Variants in TRIP12 observed in about 807,000 individuals in gnomAD.
TRIP12 encodes the protein thyroid hormone receptor interactor 12, also known as E3 ubiquitin-protein ligase TRIP12.
In TRIP12, 25 loss-of-function variants were observed where a neutral mutation model predicts 244.2. The observed-to-expected ratio is 0.10, with a 90% CI of 0.07 to 0.14. The LOEUF is 0.14. Ranked by LOEUF, TRIP12 falls within the 10% of genes least tolerant of loss-of-function variation. The pLI, the probability that TRIP12 is intolerant of heterozygous loss-of-function variation, is 1.00. For missense variants in TRIP12, 1,677 were observed against 2,486.4 expected (o/e 0.67, Z 6.92); for synonymous variants, 905 against 873.1 (o/e 1.04, Z -0.64).
At chr2:229,850,463 T>G (rs977185354) in intron 4 of TRIP12, among the ~76,000 whole-genome samples, 2 of 152,226 alleles carry the variant, frequency 1.3e-5, no homozygotes, top group African/African-American at 4.8e-5. Flanking sequence ...TGCCCAACTC[T>G]TCACAGAGCT....
chr2:229,880,223 G>A (rs1424533448), intron 1 of TRIP12, 95 bp from the exon 2 acceptor site: 7 of 746,892 alleles, frequency 9.4e-6, no homozygotes, highest in Non-Finnish European at 1.5e-5. Context: ...GAAATTTTCT[G>A]CAAACTATCT....
At chr2:229,770,581 G>A (rs2033881633) in intron 39 of TRIP12, among the ~76,000 whole-genome samples, 1 of 152,156 alleles carries the variant, frequency 6.6e-6, no homozygotes, top group Non-Finnish European at 1.5e-5. Context: ...CATTCTAGAG[G>A]CTTTCTGTAT....
chr2:229,858,469 T>C (rs1043041117), intron 4 of TRIP12, among the ~76,000 whole-genome samples: 1 of 152,218 alleles, frequency 6.6e-6, no homozygotes, highest in Non-Finnish European at 1.5e-5. Context: ...TCCAACTTTA[T>C]GTCCCATCCT....
At chr2:229,873,746 G>A (rs2063102092) in intron 2 of TRIP12, among the ~76,000 whole-genome samples, 1 of 151,952 alleles carries the variant, frequency 6.6e-6, no homozygotes, top group South Asian at 2.1e-4. Context: ...AAAATGTAAA[G>A]AAAAATAATA....
At chr2:229,801,143 G>T (rs1365139828) in intron 21 of TRIP12, among the ~76,000 whole-genome samples, 1 of 152,130 alleles carries the variant, frequency 6.6e-6, no homozygotes, top group Non-Finnish European at 1.5e-5. Flanking sequence ...AAGGAAAATG[G>T]CAGACAAAAG....
At chr2:229,849,306 T>C (rs2058187705) in intron 4 of TRIP12, among the ~76,000 whole-genome samples, 1 of 152,190 alleles carries the variant, frequency 6.6e-6, no homozygotes, top group African/African-American at 2.4e-5. Flanking sequence ...ATGTTCACGA[T>C]ACAATAAACC....
chr2:229,810,338 C>T (rs564065338), intron 15 of TRIP12, among the ~76,000 whole-genome samples: 1 of 152,314 alleles, frequency 6.6e-6, no homozygotes, highest in African/African-American at 2.4e-5. Flanking sequence ...ATTTCCCACA[C>T]ACTGTGTAAA....
intron 4 of TRIP12, among the ~76,000 whole-genome samples, chr2:229,844,951 A>G (rs1444677111): frequency 6.6e-6 from 1 of 152,154 alleles, no homozygotes; most frequent in Admixed American, 6.5e-5. Context: ...GTCTTCTCCA[A>G]CACATTTCTA....
At position 229,836,878 on chromosome 2, in the gene TRIP12, G is replaced by C. The variant is rs200117340; in HGVS notation, c.1240C>G (p.Arg414Gly). The C allele has an allele frequency of 1.1e-5, 17 of 1,599,168 alleles. 1 individual carries two copies. In the Admixed American group the frequency reaches 1.8e-4, roughly 17 times the overall value. Residue 414 changes from arginine to glycine, a missense_variant, in exon 6 of 42, where the codon CGG becomes GGG. By Grantham distance (125) the Arg-to-Gly change is moderately radical. This residue lies in a region of TRIP12 where 143 missense variants were observed against 215.6 expected (regional missense o/e 0.66). Coordinates refer to ENST00000675903, the MANE Select transcript of TRIP12 (RefSeq NM_001348323.3). ...GCTCCTTGGGGAGCTTCATCTGTCC[G>C]AGCAGCTGAAGAATTTACTGCCTCC... ...NQEAVNSSAARTDEAPQGAAA... is the reference protein window; with the variant it reads ...NQEAVNSSAAGTDEAPQGAAA...
chr2:229,880,332 A>G (rs949046561), intron 1 of TRIP12, among the ~76,000 whole-genome samples: 1 of 152,196 alleles, frequency 6.6e-6, no homozygotes, highest in Non-Finnish European at 1.5e-5. Flanking sequence ...TAACATATTC[A>G]AGCCATGTGG....
chr2:229,855,998 T>C (rs1048122470), intron 4 of TRIP12, among the ~76,000 whole-genome samples: 2 of 143,604 alleles, frequency 1.4e-5, no homozygotes, highest in Non-Finnish European at 3.0e-5. Context: ...ACTGCGCCAC[T>C]ACACACACTC....
intron 2 of TRIP12, among the ~76,000 whole-genome samples, chr2:229,874,496 G>C (rs1483617075): frequency 6.6e-6 from 1 of 151,964 alleles, no homozygotes; most frequent in Non-Finnish European, 1.5e-5. Flanking sequence ...AAAATCTGAG[G>C]AAAAAACCTA....
At chr2:229,803,402 C>A (rs547384591) in intron 20 of TRIP12, among the ~76,000 whole-genome samples, 169 bp downstream of exon 20, 1 of 152,378 alleles carries the variant, frequency 6.6e-6, no homozygotes, top group South Asian at 2.1e-4. Context: ...GCGTGAGCCA[C>A]CACGCCCAGC....
At chr2:229,856,542 T>C (rs1436024009) in intron 4 of TRIP12, among the ~76,000 whole-genome samples, 1 of 152,170 alleles carries the variant, frequency 6.6e-6, no homozygotes, top group Non-Finnish European at 1.5e-5. Context: ...TCAAGTACAA[T>C]CTGCTATTGC....
intron 15 of TRIP12, among the ~76,000 whole-genome samples, chr2:229,809,374 T>C (rs1032712946): frequency 3.9e-5 from 6 of 152,146 alleles, no homozygotes; most frequent in African/African-American, 1.4e-4. Flanking sequence ...TTTCCTTTTA[T>C]AGGGTTATTA....
intron 1 of TRIP12, among the ~76,000 whole-genome samples, chr2:229,893,113 T>G (rs1049467025): frequency 6.6e-5 from 10 of 152,228 alleles, no homozygotes; most frequent in Non-Finnish European, 1.5e-4. Flanking sequence ...GCTCAATACC[T>G]GTAAGTCCCA....
intron 2 of TRIP12, among the ~76,000 whole-genome samples, chr2:229,872,350 G>A (rs1047387473): frequency 2.6e-5 from 4 of 152,100 alleles, no homozygotes; most frequent in African/African-American, 4.8e-5. Context: ...GATCACTTGA[G>A]CCCAGGAATT....
intron 22 of TRIP12, 23 bp from the exon 23 acceptor site, chr2:229,799,072 C>T: frequency 6.2e-7 from 1 of 1,610,858 alleles, no homozygotes. Flanking sequence ...AAAAGAACTA[C>T]AGTTAAGTCA....
At chr2:229,836,751 T>A in intron 6 of TRIP12, 97 bp downstream of exon 6, 2 of 1,358,320 alleles carry the variant, frequency 1.5e-6, no homozygotes, top group Non-Finnish European at 2.0e-6. Flanking sequence ...GAACAAGAAG[T>A]TTATACGATA....
Sources: gnomAD v4.1 joint callset for allele counts (sites outside exome capture counted in the v4.1 genomes callset) on GRCh38, gnomAD v4.1.1 for gene constraint, gnomAD v4.1.1 regional missense constraint, MANE v1.5 for transcripts, NCBI Gene and HGNC (gene_info 2026-07-23, HGNC 2026-07-21) for gene names.